Variants in CNTNAP5 observed in about 807,000 individuals in gnomAD.
CNTNAP5 encodes contactin-associated protein-like 5.
A neutral mutation model predicts 150.2 loss-of-function variants in CNTNAP5; 72 were observed. That is an observed-to-expected ratio of 0.48 (90% CI 0.40 to 0.58). The LOEUF (loss-of-function observed/expected upper bound fraction) is 0.58, where lower values mean the gene tolerates loss of function less well. Ranked by LOEUF, CNTNAP5 falls within the 20% of genes least tolerant of loss-of-function variation. The pLI is 0.00. For synonymous variants in CNTNAP5, 672 were observed against 619.8 expected, an observed-to-expected ratio of 1.08 and a Z score of -1.25; for missense variants, 1,636 against 1,626.2, an observed-to-expected ratio of 1.01 and a Z score of -0.10.
intron 13 of CNTNAP5, among the ~76,000 whole-genome samples, chr2:124,691,985 A>G (rs1679309335): frequency 6.6e-6 from 1 of 152,142 alleles, no homozygotes; most frequent in Admixed American, 6.6e-5. Context: ...ATTAGGAGAT[A>G]TATCGGCTTT....
intron 19 of CNTNAP5, among the ~76,000 whole-genome samples, chr2:124,808,787 A>G (rs1302562521): frequency 2.0e-5 from 3 of 152,092 alleles, no homozygotes; most frequent in Non-Finnish European, 4.4e-5. Context: ...TCAGGCTAAT[A>G]TGCAAGTTCT....
intron 3 of CNTNAP5, among the ~76,000 whole-genome samples, chr2:124,308,634 T>A (rs919182458): frequency 1.3e-5 from 2 of 152,222 alleles, no homozygotes; most frequent in African/African-American, 4.8e-5. Flanking sequence ...TTAAGCTGAA[T>A]TGGGGAGAGA....
intron 2 of CNTNAP5, among the ~76,000 whole-genome samples, chr2:124,234,507 G>A (rs760875233): frequency 1.3e-5 from 2 of 152,132 alleles, no homozygotes; most frequent in South Asian, 4.1e-4. Flanking sequence ...TGAACAATTA[G>A]TTTTAAAGCC....
chr2:124,868,145 G>T (rs1573674613), intron 20 of CNTNAP5, among the ~76,000 whole-genome samples: 1 of 151,918 alleles, frequency 6.6e-6, no homozygotes, highest in African/African-American at 2.4e-5. Flanking sequence ...TCCTCTTTAG[G>T]TTCCCTGGCT....
chr2:124,315,440 G>A (rs1454604449), intron 3 of CNTNAP5, among the ~76,000 whole-genome samples: 1 of 152,144 alleles, frequency 6.6e-6, no homozygotes, highest in Admixed American at 6.5e-5. Flanking sequence ...AGGTGCCTCA[G>A]GGTTTGCTTT....
At chr2:124,112,226 C>T (rs7563904) in intron 1 of CNTNAP5, among the ~76,000 whole-genome samples, 20,627 of 152,198 alleles carry the variant, frequency 0.14, 1,496 homozygotes, top group South Asian at 0.23. Context: ...TATTTAGTTT[C>T]CAAAGACATT....
At chr2:124,785,532 A>C (rs1488282206) in intron 17 of CNTNAP5, among the ~76,000 whole-genome samples, 1 of 152,224 alleles carries the variant, frequency 6.6e-6, no homozygotes, top group Non-Finnish European at 1.5e-5. Context: ...AGTGTAGGAC[A>C]AACAGTGGAG....
In CNTNAP5 at chr2:124,920,690, C is replaced by G. The variant is rs2104777669; in HGVS notation, c.*6402C>G. Among the ~76,000 whole-genome samples the G allele has an allele frequency of 6.6e-6, 1 of 152,190 alleles. No individual in the cohort carries two copies. The highest frequency in any genetic ancestry group is 2.1e-4 in the South Asian group (1 of 4,816). On this transcript the variant is annotated 3_prime_UTR_variant, in exon 24 of 24. Transcript: ENST00000682447. ...AAGGCAGCCATGTATAAATGAATAC[C>G]CATGGCCATGTTCCAATATAACTTT...
intron 14 of CNTNAP5, among the ~76,000 whole-genome samples, chr2:124,750,505 C>G (rs1249858789): frequency 1.3e-5 from 2 of 152,128 alleles, no homozygotes; most frequent in African/African-American, 4.8e-5. Context: ...ATATGTATTA[C>G]TTTATCAGAT....
chr2:124,527,366 A>G lies in CNTNAP5; in HGVS notation c.1559A>G (p.Asp520Gly). 6.2e-7 allele frequency: 1 copy of G among 1,613,664 alleles called. No individual in the cohort carries two copies. Among genetic ancestry groups the G allele is most frequent in the East Asian group, 2.2e-5 (1 of 44,856 alleles). ...GGCTGCATGAGGCTCATCTTTATTG[A>G]TAACCAGCCCAAGGACCTCATTTCA... ...FQGCMRLIFIDNQPKDLISVQ... is the reference protein window; with the variant it reads ...FQGCMRLIFIGNQPKDLISVQ... Residue 520 changes from aspartate to glycine, a missense_variant, in exon 10 of 24, where the codon GAT (aspartate) becomes GGT (glycine). Coordinates refer to ENST00000682447, the MANE Select transcript of CNTNAP5 (RefSeq NM_001367498.1).
intron 4 of CNTNAP5, among the ~76,000 whole-genome samples, chr2:124,420,403 T>C (rs1692072077): frequency 6.6e-6 from 1 of 152,140 alleles, no homozygotes; most frequent in South Asian, 2.1e-4. Flanking sequence ...TCTCTCCTGT[T>C]CACAGAATGG....
At chr2:124,048,678 T>C (rs1353178648) in intron 1 of CNTNAP5, among the ~76,000 whole-genome samples, 2 of 152,212 alleles carry the variant, frequency 1.3e-5, no homozygotes, top group Non-Finnish European at 2.9e-5. Flanking sequence ...AAATATGCTT[T>C]CTTTTTAGGC....
chr2:124,694,389 G>T (rs2105082546), intron 13 of CNTNAP5, among the ~76,000 whole-genome samples: 1 of 152,222 alleles, frequency 6.6e-6, no homozygotes, highest in African/African-American at 2.4e-5. Context: ...ATCTTATGCT[G>T]CTCGCCTGCA....
chr2:124,541,439 CAAAAT>C (rs1304443894), intron 10 of CNTNAP5, among the ~76,000 whole-genome samples: 3 of 151,910 alleles, frequency 2.0e-5, no homozygotes, highest in African/African-American at 7.3e-5. Flanking sequence ...TCAGCCTACT[CAAAAT>C]AAACACCAGT....
intron 1 of CNTNAP5, among the ~76,000 whole-genome samples, chr2:124,101,110 T>C (rs1002194467): frequency 6.6e-6 from 1 of 152,118 alleles, no homozygotes; most frequent in Non-Finnish European, 1.5e-5. Context: ...ATTGAGGAGA[T>C]ATGCGAATGC....
At position 124,094,406 on chromosome 2, in the gene CNTNAP5, T is replaced by C. The variant is rs186270633; in HGVS notation, c.82+68674T>C. On this transcript the variant is annotated intron_variant, in intron 1 of 23. Transcript: ENST00000682447. The stretch of plus-strand genomic sequence containing the variant: ...GTAGTATTTGTCAGGGCTATTGATA[T>C]GGTGTTGTCAGGTGAACTGCATAAG... Among the ~76,000 whole-genome samples, 273 of 152,312 alleles carry C rather than the reference T, an allele frequency of 1.8e-3. 1 individual carries two copies. Among genetic ancestry groups the C allele is most frequent in the African/African-American group, 6.4e-3 (265 of 41,564 alleles).
intron 19 of CNTNAP5, among the ~76,000 whole-genome samples, chr2:124,855,434 A>T (rs934103033): frequency 1.3e-5 from 2 of 152,036 alleles, no homozygotes; most frequent in African/African-American, 4.8e-5. Flanking sequence ...CAGCCTCCCA[A>T]AGTGCTGGGA....
intron 7 of CNTNAP5, among the ~76,000 whole-genome samples, chr2:124,478,504 C>G (rs1333319641): frequency 6.6e-6 from 1 of 152,012 alleles, no homozygotes; most frequent in Non-Finnish European, 1.5e-5. Context: ...GAATTCGTAT[C>G]ACTATACACT....
chr2:124,062,528 C>T (rs1490023625), intron 1 of CNTNAP5, among the ~76,000 whole-genome samples: 2 of 152,134 alleles, frequency 1.3e-5, no homozygotes, highest in East Asian at 3.9e-4. Context: ...TCTGTTAAAC[C>T]ATTACCTCAC....
Sources: gnomAD v4.1 joint callset for allele counts (sites outside exome capture counted in the v4.1 genomes callset) on GRCh38, gnomAD v4.1.1 for gene constraint, MANE v1.5 for transcripts, NCBI Gene and HGNC (gene_info 2026-07-23, HGNC 2026-07-21) for gene names.